The following FBXL13 variants were observed in gnomAD, a reference collection of about 807,000 sequenced individuals.
FBXL13 encodes the protein F-box and leucine-rich repeat protein 13.
Under a neutral mutation model 83.6 loss-of-function variants are expected in FBXL13, and 67 were observed. That is an observed-to-expected ratio of 0.80 (90% confidence interval 0.66 to 0.98). The LOEUF is 0.98. Ranked by LOEUF, FBXL13 falls within the 50% of genes least tolerant of loss-of-function variation. The pLI is 0.00. For synonymous variants in FBXL13, 272 were observed against 299.5 expected, an observed-to-expected ratio of 0.91 and a Z score of 0.95; for missense variants, 822 against 866.5, an observed-to-expected ratio of 0.95 and a Z score of 0.64.
At chr7:102,894,760 G>A (rs978003641) in intron 11 of FBXL13, among the ~76,000 whole-genome samples, 1 of 150,714 alleles carries the variant, frequency 6.6e-6, no homozygotes. Flanking sequence ...GAGAGAGAGA[G>A]AAAATACTTT....
At position 102,948,156 on chromosome 7, in the gene FBXL13, T is replaced by C. The variant is rs1822827911; in HGVS notation, c.724+15377A>G. Among the ~76,000 whole-genome samples, 4 of 151,598 alleles carry C rather than the reference T, an allele frequency of 2.6e-5. No homozygotes were observed. The South Asian group carries it at 8.4e-4, about 32-fold the overall frequency. ...TTGGCTCACCACAACCTCTGCCTCC[T>C]GGGTTCAAGTGATTCTCCTGCCTCA... On this transcript the variant is annotated intron_variant, in intron 8 of 19. Transcript: ENST00000313221.
chr7:102,939,100 A>G (rs554191033), intron 8 of FBXL13, among the ~76,000 whole-genome samples: 2 of 152,332 alleles, frequency 1.3e-5, no homozygotes, highest in Admixed American at 1.3e-4. Flanking sequence ...GGGTTCAATA[A>G]GCAAGTCCTG....
At chr7:102,843,219 G>A (rs1299696988) in intron 17 of FBXL13, among the ~76,000 whole-genome samples, 2 of 152,140 alleles carry the variant, frequency 1.3e-5, no homozygotes, top group Admixed American at 6.5e-5. Flanking sequence ...TGAGACAGGC[G>A]GATCACCTGA....
chr7:102,974,730 GAC>G lies in FBXL13; in HGVS notation c.496-6615_496-6614del, dbSNP rs1484755939. Among the ~76,000 whole-genome samples the G allele has an allele frequency of 2.0e-5, 3 of 151,928 alleles. No homozygotes were observed. The East Asian group carries it at 5.8e-4, about 29-fold the overall frequency. ...CATATTTTCCTCGTTAGATCCAGCAGACTGCTGTCCATTCCTCTCAGCCCCTG... is the reference window on the plus strand; with the variant it reads ...CATATTTTCCTCGTTAGATCCAGCAGTGCTGTCCATTCCTCTCAGCCCCTG... On this transcript the variant is annotated intron_variant, in intron 6 of 19. Coordinates refer to ENST00000313221, the Ensembl canonical transcript of FBXL13.
chr7:102,860,965 T>C (rs923600372), intron 16 of FBXL13, among the ~76,000 whole-genome samples: 5 of 151,112 alleles, frequency 3.3e-5, no homozygotes, highest in African/African-American at 1.2e-4. Context: ...TACATATGCA[T>C]AGTTTATATA....
chr7:102,859,233 C>T (rs1806464767), intron 16 of FBXL13, among the ~76,000 whole-genome samples: 1 of 152,170 alleles, frequency 6.6e-6, no homozygotes, highest in Non-Finnish European at 1.5e-5. Flanking sequence ...GAAGCCCTTT[C>T]TGCTGTAAGT....
At position 102,973,345 on chromosome 7, in the gene FBXL13, C is replaced by A. The variant is rs1284721699; in HGVS notation, c.496-5228G>T. 7.8e-6 allele frequency: 5 copies of A among 638,174 alleles called. No individual in the cohort carries two copies. The Admixed American group carries it at 1.1e-4, about 14-fold the overall frequency. 39.5% of individuals were successfully genotyped at this position (638,174 alleles called of 1,614,324 possible). A position where few individuals can be genotyped will look rare whatever the true frequency, so the allele number is the denominator to read the frequency against. On this transcript the variant is annotated intron_variant, in intron 6 of 19. Transcript: ENST00000313221. ...ATAGCAGAAGCAGGAAGAGAGCCGG[C>A]CAGAAGACACCTACCCTGGCCGGAA...
At chr7:103,042,460 T>C (rs1053770437) in intron 2 of FBXL13, among the ~76,000 whole-genome samples, 2 of 152,090 alleles carry the variant, frequency 1.3e-5, no homozygotes, top group African/African-American at 2.4e-5. Context: ...CTTCACAGAA[T>C]TGGAAAAAAC....
At chr7:102,828,300 TCC>T (rs201080158) in intron 18 of FBXL13, among the ~76,000 whole-genome samples, 2,897 of 152,300 alleles carry the variant, frequency 0.019, 84 homozygotes, top group African/African-American at 0.066. Flanking sequence ...GTCCTTCACG[TCC>T]CTTGTAAGTT....
intron 6 of FBXL13, among the ~76,000 whole-genome samples, chr7:103,001,609 C>A (rs539900997): frequency 5.9e-5 from 9 of 152,308 alleles, no homozygotes; most frequent in Non-Finnish European, 1.0e-4. Flanking sequence ...TGGCTGCCAG[C>A]ATAGCTAGAA....
intron 16 of FBXL13, among the ~76,000 whole-genome samples, chr7:102,862,993 TGA>T (rs1031777343): frequency 2.0e-5 from 3 of 152,222 alleles, no homozygotes; most frequent in African/African-American, 7.2e-5. Flanking sequence ...ATCTCCCTCC[TGA>T]GATACAGATC....
chr7:103,027,333 A>G (rs1450675542), intron 5 of FBXL13, 116 bp downstream of exon 6: 1 of 656,770 alleles, frequency 1.5e-6, no homozygotes, highest in South Asian at 2.4e-5. Context: ...GAATCCCATC[A>G]AAAGTAGATA....
chr7:103,004,667 A>C (rs1427146629), intron 6 of FBXL13, among the ~76,000 whole-genome samples: 2 of 152,182 alleles, frequency 1.3e-5, no homozygotes, highest in African/African-American at 4.8e-5. Flanking sequence ...CAGTGTGGAA[A>C]TTGAGTTGCA....
intron 6 of FBXL13, among the ~76,000 whole-genome samples, chr7:102,994,573 AAC>A (rs1221305483): frequency 1.3e-5 from 2 of 152,258 alleles, no homozygotes; most frequent in Admixed American, 6.5e-5. Context: ...TATTCCAGTG[AAC>A]AGTTTCCAAA....
At chr7:102,869,167 C>A (rs1402674263) in intron 16 of FBXL13, among the ~76,000 whole-genome samples, 1 of 152,178 alleles carries the variant, frequency 6.6e-6, no homozygotes, top group Non-Finnish European at 1.5e-5. Context: ...TTGATAATAG[C>A]CATTCTAACT....
chr7:102,980,828 A>T (rs148858753), intron 6 of FBXL13, among the ~76,000 whole-genome samples: 38 of 152,300 alleles, frequency 2.5e-4, no homozygotes, highest in African/African-American at 8.2e-4. Context: ...ATAGGGATAA[A>T]TAAATCTTCA....
intron 10 of FBXL13, among the ~76,000 whole-genome samples, chr7:102,918,092 A>G (rs1447056946): frequency 6.6e-6 from 1 of 152,230 alleles, no homozygotes; most frequent in South Asian, 2.1e-4. Flanking sequence ...TGAAGAGAGA[A>G]TGACAGCAGA....
intron 10 of FBXL13, 47 bp from the exon 12 acceptor site, chr7:102,913,262 C>A: frequency 1.2e-6 from 2 of 1,608,786 alleles, no homozygotes; most frequent in South Asian, 1.1e-5. Context: ...TTCCGTTGTT[C>A]TCTCAAATCT....
At chr7:102,926,068 G>A (rs1396026897) in intron 10 of FBXL13, among the ~76,000 whole-genome samples, 2 of 152,124 alleles carry the variant, frequency 1.3e-5, no homozygotes, top group East Asian at 3.8e-4. Flanking sequence ...GCACATTGCT[G>A]TAAGAGTCAC....
Sources: gnomAD v4.1 joint callset for allele counts (sites outside exome capture counted in the v4.1 genomes callset) on GRCh38, gnomAD v4.1.1 for gene constraint, MANE v1.5 for transcripts, NCBI Gene and HGNC (gene_info 2026-07-23, HGNC 2026-07-21) for gene names.